The following EXOC6B variants were observed in gnomAD, a reference collection of about 807,000 sequenced individuals.
EXOC6B encodes the protein SEC15 homolog B.
In EXOC6B, 54 loss-of-function variants were observed where a neutral mutation model predicts 113.5. That is an observed-to-expected ratio of 0.48 (90% CI 0.38 to 0.60). The LOEUF is 0.60. Ranked by LOEUF, EXOC6B falls within the 20% of genes least tolerant of loss-of-function variation. The pLI is 0.00. For synonymous variants in EXOC6B, 357 were observed against 339.0 expected (o/e 1.05, Z -0.58); for missense variants, 797 against 977.5 (o/e 0.82, Z 2.46).
intron 19 of EXOC6B, among the ~76,000 whole-genome samples, chr2:72,368,802 A>G (rs1193223336): frequency 6.6e-6 from 1 of 152,164 alleles, no homozygotes; most frequent in Non-Finnish European, 1.5e-5. Flanking sequence ...AGGCCTTTGA[A>G]AAAATTCAAC....
chr2:72,526,938 T>G (rs1701771515), intron 8 of EXOC6B, among the ~76,000 whole-genome samples: 2 of 152,022 alleles, frequency 1.3e-5, no homozygotes, highest in Admixed American at 6.5e-5. Flanking sequence ...AATTTAAACA[T>G]CTTAGGAAAC....
intron 18 of EXOC6B, among the ~76,000 whole-genome samples, chr2:72,455,940 T>C (rs1021833726): frequency 3.3e-5 from 5 of 152,024 alleles, no homozygotes; most frequent in Non-Finnish European, 5.9e-5. Context: ...CAGCTTGATA[T>C]AGTGAAAAGA....
intron 1 of EXOC6B, among the ~76,000 whole-genome samples, chr2:72,746,183 G>C (rs1279027686): frequency 6.6e-6 from 1 of 151,970 alleles, no homozygotes; most frequent in Non-Finnish European, 1.5e-5. Flanking sequence ...GACATGTCCA[G>C]GTTATGTTGC....
At chr2:72,811,925 A>C (rs1410999907) in intron 1 of EXOC6B, among the ~76,000 whole-genome samples, 3 of 152,222 alleles carry the variant, frequency 2.0e-5, no homozygotes, top group Non-Finnish European at 4.4e-5. Context: ...CCACAAAAAA[A>C]CCTAAAGTTA....
chr2:72,265,442 C>A (rs1477119363), intron 20 of EXOC6B, among the ~76,000 whole-genome samples: 1 of 148,412 alleles, frequency 6.7e-6, no homozygotes, highest in African/African-American at 2.5e-5. Flanking sequence ...TGTGATGTTC[C>A]CCTTCCTGTG....
At chr2:72,815,970 C>A (rs1393527550) in intron 1 of EXOC6B, among the ~76,000 whole-genome samples, 3 of 152,120 alleles carry the variant, frequency 2.0e-5, no homozygotes, top group Non-Finnish European at 4.4e-5. Flanking sequence ...ACCAGCCTGG[C>A]CAATATGGTG....
intron 1 of EXOC6B, among the ~76,000 whole-genome samples, chr2:72,752,047 T>C (rs1682077150): frequency 6.6e-6 from 1 of 152,104 alleles, no homozygotes; most frequent in Non-Finnish European, 1.5e-5. Context: ...CCTAGACCCA[T>C]GCAAACTTTT....
At chr2:72,291,013 T>A (rs1685751924) in intron 20 of EXOC6B, among the ~76,000 whole-genome samples, 1 of 152,194 alleles carries the variant, frequency 6.6e-6, no homozygotes, top group African/African-American at 2.4e-5. Context: ...AATGACATTA[T>A]CTTTTAAGTT....
intron 18 of EXOC6B, among the ~76,000 whole-genome samples, chr2:72,445,996 G>A (rs1275911303): frequency 6.6e-6 from 1 of 152,160 alleles, no homozygotes; most frequent in Non-Finnish European, 1.5e-5. Context: ...AAAAATAACA[G>A]AGGCTGGTGA....
At chr2:72,447,195 T>C (rs969658473) in intron 18 of EXOC6B, among the ~76,000 whole-genome samples, 1 of 152,234 alleles carries the variant, frequency 6.6e-6, no homozygotes, top group South Asian at 2.1e-4. Context: ...AATTTATCTT[T>C]GGAAAAATGT....
chr2:72,468,898 G>A (rs1698224701), intron 17 of EXOC6B, among the ~76,000 whole-genome samples: 1 of 151,740 alleles, frequency 6.6e-6, no homozygotes. Flanking sequence ...TAATCTTAAG[G>A]TGTCCTTGAA....
At chr2:72,272,836 T>C (rs1294573549) in intron 20 of EXOC6B, among the ~76,000 whole-genome samples, 11 of 152,104 alleles carry the variant, frequency 7.2e-5, no homozygotes, top group Admixed American at 7.2e-4. Flanking sequence ...TACTATTAGA[T>C]TAGAATGATT....
intron 1 of EXOC6B, among the ~76,000 whole-genome samples, chr2:72,767,092 C>A (rs1317564846): frequency 6.6e-6 from 1 of 151,990 alleles, no homozygotes; most frequent in Admixed American, 6.6e-5. Context: ...GCCAGCAGTT[C>A]TCAAAATTTT....
At position 72,339,811 on chromosome 2, in the gene EXOC6B, G is replaced by A. The variant is rs146944831; in HGVS notation, c.2123-4791C>T. Among the ~76,000 whole-genome samples, 4 of 152,182 alleles carry A rather than the reference G, an allele frequency of 2.6e-5. No individual in the cohort carries two copies. In the East Asian group the frequency reaches 5.8e-4, roughly 22 times the overall value. On this transcript the variant is annotated intron_variant, in intron 19 of 21. Transcript: ENST00000272427. ...GGTATACAAAATAGCAGGAAAGAAGGTATATTGTCAGTAAATGTATCAGAG... is the reference window on the plus strand; with the variant it reads ...GGTATACAAAATAGCAGGAAAGAAGATATATTGTCAGTAAATGTATCAGAG...
At chr2:72,494,623 A>C (rs561849603) in intron 15 of EXOC6B, among the ~76,000 whole-genome samples, 164 of 152,264 alleles carry the variant, frequency 1.1e-3, no homozygotes, top group African/African-American at 3.9e-3. Context: ...CGAGCTGGGT[A>C]CAGGGGATAT....
At chr2:72,365,836 T>C (rs896295791) in intron 19 of EXOC6B, among the ~76,000 whole-genome samples, 1 of 152,092 alleles carries the variant, frequency 6.6e-6, no homozygotes, top group Non-Finnish European at 1.5e-5. Flanking sequence ...CTCCAAGCTA[T>C]CCAAAGCATC....
chr2:72,755,822 A>C (rs1308242744), intron 1 of EXOC6B, among the ~76,000 whole-genome samples: 1 of 152,174 alleles, frequency 6.6e-6, no homozygotes, highest in Non-Finnish European at 1.5e-5. Context: ...TGTTGCCAAC[A>C]GAAGGGGGAG....
chr2:72,661,345 C>A (rs1487878344), intron 6 of EXOC6B, among the ~76,000 whole-genome samples: 1 of 148,984 alleles, frequency 6.7e-6, no homozygotes, highest in African/African-American at 2.5e-5. Flanking sequence ...ACGTAATTAT[C>A]CATGCTGAAT....
chr2:72,406,971 G>C (rs1368133037), intron 18 of EXOC6B, among the ~76,000 whole-genome samples: 1 of 151,668 alleles, frequency 6.6e-6, no homozygotes, highest in Non-Finnish European at 1.5e-5. Flanking sequence ...AGACTAGCAA[G>C]ACTAATAAAG....
Sources: gnomAD v4.1 joint callset for allele counts (sites outside exome capture counted in the v4.1 genomes callset) on GRCh38, gnomAD v4.1.1 for gene constraint, MANE v1.5 for transcripts, NCBI Gene and HGNC (gene_info 2026-07-23, HGNC 2026-07-21) for gene names.